DHX32: variants seen among roughly 807,000 people sequenced by gnomAD.
DHX32 encodes the protein DEAH-box helicase 32 (putative), also known as putative pre-mRNA-splicing factor ATP-dependent RNA helicase DHX32.
Under a neutral mutation model 70.0 loss-of-function variants are expected in DHX32, and 51 were observed. That is an observed-to-expected ratio of 0.73 (90% confidence interval 0.58 to 0.92). The LOEUF (loss-of-function observed/expected upper bound fraction) is 0.92. Ranked by LOEUF, DHX32 falls within the 40% of genes least tolerant of loss-of-function variation. The probability of loss-of-function intolerance (pLI) is 0.00; values close to 1 mark genes in which losing one functional copy is unlikely to be tolerated. For missense variants in DHX32, 762 were observed against 891.8 expected, an observed-to-expected ratio of 0.85 and a Z score of 1.85; for synonymous variants, 310 against 315.3, an observed-to-expected ratio of 0.98 and a Z score of 0.18.
At chr10:125,861,225 T>C (rs545570043) in intron 2 of DHX32, among the ~76,000 whole-genome samples, 10 of 150,916 alleles carry the variant, frequency 6.6e-5, no homozygotes, top group African/African-American at 1.7e-4. Flanking sequence ...TGATAAAGAG[T>C]AGTTTGCCCC....
At chr10:125,895,224 G>A (rs1043577188) in intron 1 of DHX32, among the ~76,000 whole-genome samples, 18 of 151,572 alleles carry the variant, frequency 1.2e-4, no homozygotes, top group Admixed American at 1.1e-3. Context: ...TTCCCTAAGA[G>A]GAAAGTAATT....
rs778254765 is a variant in DHX32 at position 125,838,345 on chromosome 10, T to C, written c.1924A>G (p.Thr642Ala). The change falls in exon 10 of 11, where the codon ACA becomes GCA. Residue 642 changes from threonine to alanine, a missense_variant. By Grantham distance (58) the Thr-to-Ala change is moderately conservative. Around this residue, in one of 3 missense-constraint regions of DHX32, gnomAD observed 366 missense variants for 402.6 expected, o/e 0.91. Coordinates refer to ENST00000284690, the MANE Select transcript of DHX32 (RefSeq NM_018180.3). ...TGCAGCTGAGCAACCTGCTTATGTGTCAGCATTAAGTAGTTACCTGATCCA... is the reference window on the plus strand; with the variant it reads ...TGCAGCTGAGCAACCTGCTTATGTGCCAGCATTAAGTAGTTACCTGATCCA... ...VDGSGNYLML[T>A]HKQVAQLHPL... 1 of 1,611,414 alleles carries C rather than the reference T, an allele frequency of 6.2e-7. No individual in the cohort carries two copies. Among genetic ancestry groups the C allele is most frequent in the South Asian group, 1.1e-5 (1 of 90,164 alleles).
At chr10:125,894,893 G>A (rs1426007205) in intron 1 of DHX32, among the ~76,000 whole-genome samples, 1,711 of 139,530 alleles carry the variant, frequency 0.012, no homozygotes, top group African/African-American at 0.055. Flanking sequence ...ACTGGATACA[G>A]GAGTACTGCT....
chr10:125,868,363 C>T (rs1292426549), intron 1 of DHX32, among the ~76,000 whole-genome samples: 1 of 152,056 alleles, frequency 6.6e-6, no homozygotes, highest in African/African-American at 2.4e-5. Flanking sequence ...GGAATTTAAA[C>T]GTTGTAAAAT....
chr10:125,854,111 C>A lies in DHX32; in HGVS notation c.942G>T (p.Glu314Asp). The A allele has an allele frequency of 6.2e-7, 1 of 1,613,900 alleles. No individual in the cohort carries two copies. The highest frequency in any genetic ancestry group is 8.5e-7 in the Non-Finnish European group (1 of 1,179,976). Residue 314 changes from glutamate to aspartate, a missense_variant, in exon 4 of 11, where the codon GAG (glutamate) becomes GAT (aspartate). By Grantham distance (45) the Glu-to-Asp change is conservative. This residue lies in a region of DHX32 where 394 missense variants were observed against 473.1 expected (regional missense o/e 0.83). Transcript: ENST00000284690. ...CGAGTGGCTTGAACAATGAACATTT[C>A]TCTTTTGGATACAAAGGAACAACCA... Reference protein sequence around the residue: ...ELVVVPLYPKEKCSLFKPLDE... With the variant: ...ELVVVPLYPKDKCSLFKPLDE...
At chr10:125,843,397 T>C (rs1229225699) in intron 6 of DHX32, among the ~76,000 whole-genome samples, 1 of 152,032 alleles carries the variant, frequency 6.6e-6, no homozygotes, top group Non-Finnish European at 1.5e-5. Context: ...GATCACCAGG[T>C]CAGGAGATTG....
At chr10:125,892,567 T>C (rs1944377714) in intron 1 of DHX32, among the ~76,000 whole-genome samples, 1 of 152,268 alleles carries the variant, frequency 6.6e-6, no homozygotes, top group South Asian at 2.1e-4. Context: ...GCTTAGTTGT[T>C]CTCCCGGCCT....
chr10:125,857,900 A>AT (rs570512404), intron 3 of DHX32, among the ~76,000 whole-genome samples: 348 of 116,274 alleles, frequency 3.0e-3, no homozygotes, highest in Admixed American at 3.5e-3. Flanking sequence ...TTAATTTTTC[A>AT]TTTTTTTTTT....
At chr10:125,845,130 G>A (rs2134033321) in intron 6 of DHX32, among the ~76,000 whole-genome samples, 1 of 152,338 alleles carries the variant, frequency 6.6e-6, no homozygotes, top group East Asian at 1.9e-4. Context: ...CAGGCCAAGT[G>A]GAGTCCAAGG....
At chr10:125,879,040 T>TC (rs1944302020) in intron 1 of DHX32, among the ~76,000 whole-genome samples, 1 of 108,510 alleles carries the variant, frequency 9.2e-6, no homozygotes, top group Non-Finnish European at 2.0e-5. Flanking sequence ...TTTTTTTTTT[T>TC]TGAGACGGGG....
intron 6 of DHX32, among the ~76,000 whole-genome samples, chr10:125,848,449 T>C (rs1178884217): frequency 2.0e-5 from 3 of 152,140 alleles, no homozygotes; most frequent in African/African-American, 4.8e-5. Context: ...AAAAGACAAG[T>C]GGCTTGCCAA....
intron 4 of DHX32, chr10:125,853,638 T>C: frequency 3.9e-6 from 1 of 255,290 alleles, no homozygotes; most frequent in Non-Finnish European, 7.4e-6. Flanking sequence ...TCAAACAATT[T>C]GCTTTGCTAG....
intron 7 of DHX32, 140 bp from the exon 8 acceptor site, chr10:125,841,136 C>T (rs1169882889): frequency 4.4e-6 from 6 of 1,377,222 alleles, no homozygotes; most frequent in Non-Finnish European, 6.0e-6. Context: ...TTCTTGTTTA[C>T]TTAGAAATCC....
At chr10:125,872,998 C>A (rs1944264093) in intron 1 of DHX32, among the ~76,000 whole-genome samples, 1 of 152,170 alleles carries the variant, frequency 6.6e-6, no homozygotes, top group African/African-American at 2.4e-5. Context: ...GCTCCATTCC[C>A]AACTCCGGGC....
intron 2 of DHX32, among the ~76,000 whole-genome samples, chr10:125,865,227 T>A (rs1247385218): frequency 4.6e-5 from 7 of 152,190 alleles, no homozygotes; most frequent in African/African-American, 1.7e-4. Context: ...TCCTATGTCT[T>A]GTCCTGTCCA....
chr10:125,896,459 G>A (rs140678148), upstream of DHX32: 13 of 1,125,700 alleles, frequency 1.2e-5, no homozygotes, highest in Non-Finnish European at 1.3e-5. Flanking sequence ...CAGTGTCCCC[G>A]GCGACGCGCG....
At chr10:125,846,247 C>A (rs1944017639) in intron 6 of DHX32, among the ~76,000 whole-genome samples, 1 of 152,184 alleles carries the variant, frequency 6.6e-6, no homozygotes. Context: ...TGAAGACTCT[C>A]CCCACCCTCA....
At chr10:125,867,244 C>G in intron 1 of DHX32, 61 bp from the exon 2 acceptor site, 1 of 1,394,250 alleles carries the variant, frequency 7.2e-7, no homozygotes, top group Non-Finnish European at 9.7e-7. Context: ...AGAGACATCT[C>G]TGTCTTACAG....
chr10:125,890,441 A>C (rs1351026824), intron 1 of DHX32: 2 of 152,220 alleles, frequency 1.3e-5, no homozygotes, highest in African/African-American at 4.8e-5. Flanking sequence ...ATAAGGTCAA[A>C]ATTCAAAATC....
Sources: allele counts gnomAD v4.1 joint callset (sites outside exome capture counted in the v4.1 genomes callset), GRCh38; gene constraint gnomAD v4.1.1; regional missense constraint gnomAD v4.1.1; transcripts MANE v1.5; gene names NCBI Gene and HGNC (gene_info 2026-07-23, HGNC 2026-07-21).